Variants in TEX9 observed in about 807,000 individuals in gnomAD.
TEX9 encodes testis expressed 9.
TEX9 carries 74 observed loss-of-function variants against 59.6 expected under a neutral mutation model. The ratio of observed to expected loss-of-function variants is 1.24; its 90% CI spans 1.03 to 1.51. The LOEUF (loss-of-function observed/expected upper bound fraction) is 1.51, where lower values mean the gene tolerates loss of function less well. Ranked by LOEUF, TEX9 falls within the 40% of genes most tolerant of loss-of-function variation. The probability of loss-of-function intolerance (pLI) is 0.00; values close to 1 mark genes in which losing one functional copy is unlikely to be tolerated. For synonymous variants in TEX9, 186 were observed against 152.2 expected (o/e 1.22, Z -1.64); for missense variants, 522 against 447.8 (o/e 1.17, Z -1.49).
chr15:56,339,383 C>CAGAA (rs2046321793), intron 1 of TEX9, among the ~76,000 whole-genome samples: 2 of 30,770 alleles, frequency 6.5e-5, no homozygotes, highest in Non-Finnish European at 1.2e-4. Context: ...ACTCCTTCTC[C>CAGAA]AAAAAAAAAA....
intron 1 of TEX9, among the ~76,000 whole-genome samples, chr15:56,341,752 G>A (rs2046375950): frequency 1.3e-5 from 2 of 151,938 alleles, no homozygotes; most frequent in South Asian, 2.1e-4. Context: ...GGTCATGAGT[G>A]GATATAAATA....
downstream of TEX9, among the ~76,000 whole-genome samples, chr15:56,448,386 C>T (rs1276577460): frequency 2.0e-5 from 3 of 152,116 alleles, no homozygotes; most frequent in Non-Finnish European, 2.9e-5. Flanking sequence ...TTTTAACCCA[C>T]TCCTCCTCCA....
intron 1 of TEX9, chr15:56,323,559 G>T: frequency 5.4e-6 from 1 of 184,410 alleles, no homozygotes; most frequent in South Asian, 1.2e-4. Context: ...ATGTGAAAAG[G>T]ATATTGCTGC....
At chr15:56,407,249 G>T (rs1004508390) in intron 9 of TEX9, among the ~76,000 whole-genome samples, 1 of 152,144 alleles carries the variant, frequency 6.6e-6, no homozygotes, top group African/African-American at 2.4e-5. Context: ...TGAATTGGCT[G>T]TGTTTATGTA....
chr15:56,438,577 G>A lies in TEX9; in HGVS notation c.*30-7094G>A, dbSNP rs370998012. Among the ~76,000 whole-genome samples the A allele has an allele frequency of 5.9e-3, 898 of 152,174 alleles. 5 individuals are homozygous for A. The highest frequency in any genetic ancestry group is 0.021 in the African/African-American group (862 of 41,512). On this transcript the variant is annotated intron_variant, in intron 12 of 12. Coordinates refer to ENST00000352903, the Ensembl canonical transcript of TEX9. ...CCTAGGCAATACCATTCAGGACATA[G>A]GCATGGGCAAGGACTTCATGTCTAA...
At chr15:56,379,050 T>C (rs1247947104) in intron 3 of TEX9, among the ~76,000 whole-genome samples, 1 of 139,876 alleles carries the variant, frequency 7.1e-6, no homozygotes, top group Non-Finnish European at 1.5e-5. Flanking sequence ...GGCAACAGAG[T>C]TTCTCTCTAT....
chr15:56,257,349 A>G (rs1283303734), intron 1 of TEX9, among the ~76,000 whole-genome samples: 1 of 152,040 alleles, frequency 6.6e-6, no homozygotes, highest in Non-Finnish European at 1.5e-5. Flanking sequence ...TCTGTCTCTA[A>G]GTCTTTGAGG....
intron 12 of TEX9, chr15:56,429,337 CAATACTTTTCAAAAAATAA>C (rs2050490478): frequency 3.5e-6 from 2 of 578,226 alleles, no homozygotes; most frequent in South Asian, 4.8e-5. Context: ...TTAAAAAAAT[CAATACTTTTCAAAAAATAA>C]GACTTTACAT....
At chr15:56,271,640 C>T (rs977011239) in intron 1 of TEX9, among the ~76,000 whole-genome samples, 5 of 151,974 alleles carry the variant, frequency 3.3e-5, no homozygotes, top group South Asian at 2.1e-4. Flanking sequence ...ATATTGAAGT[C>T]GTATTTTCTG....
At chr15:56,343,577 AACTAGAAGTATAGTAAGAGG>A (rs1317829982) in intron 1 of TEX9, among the ~76,000 whole-genome samples, 4 of 152,116 alleles carry the variant, frequency 2.6e-5, no homozygotes, top group African/African-American at 9.6e-5. Flanking sequence ...ATCTTGTATT[AACTAGAAGTATAGTAAGAGG>A]ATATTATCAA....
intron 12 of TEX9, among the ~76,000 whole-genome samples, chr15:56,444,221 C>T (rs576660098): frequency 2.0e-3 from 298 of 152,158 alleles, no homozygotes; most frequent in Non-Finnish European, 3.9e-3. Flanking sequence ...AGGTTTAGGT[C>T]ATTCAATCAC....
chr15:56,371,568 C>G (rs776447994), intron 2 of TEX9, among the ~76,000 whole-genome samples: 6 of 151,958 alleles, frequency 3.9e-5, no homozygotes, highest in Admixed American at 6.6e-5. Flanking sequence ...TGCTGATTCT[C>G]TCTTTCAGTG....
intron 1 of TEX9, among the ~76,000 whole-genome samples, chr15:56,274,180 C>G (rs2044615923): frequency 6.6e-6 from 1 of 152,062 alleles, no homozygotes; most frequent in Non-Finnish European, 1.5e-5. Context: ...ATTTACCCAC[C>G]TTTTTTCTTT....
chr15:56,419,547 A>G (rs1369157364), intron 10 of TEX9, among the ~76,000 whole-genome samples: 6 of 151,792 alleles, frequency 4.0e-5, no homozygotes, highest in African/African-American at 1.5e-4. Context: ...TTAGTCTTTC[A>G]AATGTTAAAA....
At chr15:56,387,907 C>T (rs1389393352) in intron 4 of TEX9, among the ~76,000 whole-genome samples, 1 of 151,942 alleles carries the variant, frequency 6.6e-6, no homozygotes, top group Non-Finnish European at 1.5e-5. Context: ...ATTTTGAAAA[C>T]CTTGTGTATA....
chr15:56,352,402 G>A (rs1238351812), intron 1 of TEX9, among the ~76,000 whole-genome samples: 2 of 150,496 alleles, frequency 1.3e-5, no homozygotes, highest in Non-Finnish European at 3.0e-5. Context: ...CCACTACCAC[G>A]CCCAGCTAAT....
At chr15:56,460,009 A>AAAAAAAAAAAATATATATATAT in the TEX9 span, among the ~76,000 whole-genome samples, 16 of 26,388 alleles carry the variant, frequency 6.1e-4, 4 homozygotes, top group South Asian at 4.5e-3. Flanking sequence ...AAAAAAAAAA[A>AAAAAAAAAAAATATATATATAT]ATACATATAT....
chr15:56,372,167 C>T (rs2047219340), intron 2 of TEX9, among the ~76,000 whole-genome samples: 1 of 152,066 alleles, frequency 6.6e-6, no homozygotes. Context: ...TGATTAAGTC[C>T]TTGTTAGGGA....
exon 7 of TEX9, chr15:56,391,411 T>G (rs774477540): frequency 6.6e-7 from 1 of 1,521,462 alleles, no homozygotes; most frequent in Non-Finnish European, 8.8e-7. Flanking sequence ...GTAATGACAT[T>G]GGAACAGGTA....
Sources: allele counts gnomAD v4.1 joint callset (sites outside exome capture counted in the v4.1 genomes callset), GRCh38; gene constraint gnomAD v4.1.1; transcripts MANE v1.5; gene names NCBI Gene and HGNC (gene_info 2026-07-23, HGNC 2026-07-21).